The following ECT2 variants were observed in gnomAD, a reference collection of about 807,000 sequenced individuals.
The protein encoded by ECT2 is protein ECT2.
ECT2 carries 61 observed loss-of-function variants against 116.9 expected under a neutral mutation model. The ratio of observed to expected loss-of-function variants is 0.52; its 90% confidence interval spans 0.42 to 0.65. The LOEUF is 0.65. Among genes scored for constraint, ECT2 ranks in the 30% least tolerant of loss-of-function variants. ECT2 has a pLI of 0.00. For missense variants in ECT2, 937 were observed against 1,078.7 expected, an observed-to-expected ratio of 0.87 and a Z score of 1.84; for synonymous variants, 358 against 346.4, an observed-to-expected ratio of 1.03 and a Z score of -0.37.
At chr3:172,814,527 A>C (rs903727160) in intron 22 of ECT2, among the ~76,000 whole-genome samples, 2 of 152,178 alleles carry the variant, frequency 1.3e-5, no homozygotes, top group Admixed American at 1.3e-4. Context: ...ATAGGACTAT[A>C]CAAAATCATT....
intron 17 of ECT2, among the ~76,000 whole-genome samples, chr3:172,785,308 T>C (rs754582179): frequency 7.2e-5 from 11 of 152,194 alleles, no homozygotes; most frequent in Non-Finnish European, 8.8e-5. Flanking sequence ...ATAATTTTTA[T>C]GAATAAATTT....
chr3:172,756,902 T>C, intron 4 of ECT2, 81 bp from the exon 5 acceptor site: 1 of 1,194,942 alleles, frequency 8.4e-7, no homozygotes, highest in South Asian at 1.5e-5. Flanking sequence ...ATTGAATTGA[T>C]TGTTAAGCCT....
intron 13 of ECT2, among the ~76,000 whole-genome samples, chr3:172,770,128 G>A (rs1342637275): frequency 6.6e-6 from 1 of 151,972 alleles, no homozygotes; most frequent in Admixed American, 6.6e-5. Context: ...GAGGTTCTTT[G>A]CTGTATTAGC....
intron 23 of ECT2, among the ~76,000 whole-genome samples, chr3:172,815,997 T>C (rs1729639064): frequency 6.6e-6 from 1 of 152,278 alleles, no homozygotes; most frequent in African/African-American, 2.4e-5. Flanking sequence ...TGTGCACTCA[T>C]CTTAAATATA....
intron 15 of ECT2, among the ~76,000 whole-genome samples, chr3:172,782,484 C>G (rs992077595): frequency 6.6e-6 from 1 of 152,102 alleles, no homozygotes; most frequent in Non-Finnish European, 1.5e-5. Flanking sequence ...TAGTATGTAT[C>G]AAGTTATTTG....
At chr3:172,755,894 T>G (rs1003494177) in intron 4 of ECT2, among the ~76,000 whole-genome samples, 1 of 152,220 alleles carries the variant, frequency 6.6e-6, no homozygotes, top group African/African-American at 2.4e-5. Flanking sequence ...AAATACCACA[T>G]AGTTAATTGC....
At chr3:172,813,925 A>G (rs1729233453) in intron 22 of ECT2, among the ~76,000 whole-genome samples, 1 of 152,174 alleles carries the variant, frequency 6.6e-6, no homozygotes, top group African/African-American at 2.4e-5. Flanking sequence ...ATACGTGTAG[A>G]AATATATCTC....
intron 14 of ECT2, among the ~76,000 whole-genome samples, chr3:172,774,422 C>T (rs1434777921): frequency 1.3e-5 from 2 of 152,084 alleles, no homozygotes; most frequent in Non-Finnish European, 2.9e-5. Context: ...TGGTTTCGAA[C>T]TCCTGACCTC....
chr3:172,806,530 C>T (rs1727740535), intron 21 of ECT2, among the ~76,000 whole-genome samples: 2 of 148,362 alleles, frequency 1.3e-5, no homozygotes, highest in African/African-American at 5.0e-5. Flanking sequence ...TATGTTTTTA[C>T]AATATTTAGC....
At chr3:172,795,203 C>T (rs2108884528) in intron 18 of ECT2, among the ~76,000 whole-genome samples, 1 of 151,622 alleles carries the variant, frequency 6.6e-6, no homozygotes, top group Middle Eastern at 3.4e-3. Flanking sequence ...TGGTGTGCGC[C>T]TGTAGTTCCA....
At chr3:172,810,282 T>A (rs1324412647) in intron 22 of ECT2, among the ~76,000 whole-genome samples, 2 of 152,186 alleles carry the variant, frequency 1.3e-5, no homozygotes, top group Non-Finnish European at 2.9e-5. Flanking sequence ...ATATTTCTTT[T>A]GAAATTTTTC....
intron 24 of ECT2, 95 bp downstream of exon 24, chr3:172,816,932 T>A (rs1420004187): frequency 2.8e-6 from 3 of 1,068,720 alleles, no homozygotes; most frequent in Non-Finnish European, 2.6e-6. Context: ...TCTTCCATTT[T>A]AAAAAAATTT....
intron 1 of ECT2, among the ~76,000 whole-genome samples, chr3:172,753,864 AGTACTCATGGAAGTT>A (rs1167361051): frequency 6.6e-6 from 1 of 152,162 alleles, no homozygotes; most frequent in Non-Finnish European, 1.5e-5. Flanking sequence ...ACATATAAGG[AGTACTCATGGAAGTT>A]GTTAAGCAGG....
chr3:172,825,833 G>A (rs948895512), downstream of ECT2, among the ~76,000 whole-genome samples: 1 of 152,248 alleles, frequency 6.6e-6, no homozygotes, highest in Non-Finnish European at 1.5e-5. Flanking sequence ...AGGTGGCTAT[G>A]CTTAATAACA....
At chr3:172,763,831 G>T (rs73880265) in intron 11 of ECT2, among the ~76,000 whole-genome samples, 15,122 of 152,212 alleles carry the variant, frequency 0.099, 1,421 homozygotes, top group African/African-American at 0.24. Context: ...TCTCTTCAGA[G>T]TCTTTGAAAT....
intron 18 of ECT2, among the ~76,000 whole-genome samples, chr3:172,789,220 GTTTTT>G (rs71162311): frequency 9.2e-6 from 1 of 108,908 alleles, no homozygotes; most frequent in Non-Finnish European, 2.0e-5. Context: ...CTCTTTTTTT[GTTTTT>G]TTTTTTTTTT....
At chr3:172,795,360 A>G (rs1725447220) in intron 18 of ECT2, among the ~76,000 whole-genome samples, 3 of 152,126 alleles carry the variant, frequency 2.0e-5, no homozygotes, top group Admixed American at 6.6e-5. Flanking sequence ...AAAATTGTCA[A>G]AATACATTTT....
chr3:172,827,413 C>T, the ECT2 span, among the ~76,000 whole-genome samples: 6 of 152,060 alleles, frequency 3.9e-5, no homozygotes, highest in African/African-American at 9.7e-5. Flanking sequence ...ATAAAGAAAA[C>T]GTGGTATATA....
intron 18 of ECT2, among the ~76,000 whole-genome samples, chr3:172,787,455 G>A (rs938695162): frequency 2.6e-5 from 4 of 152,152 alleles, no homozygotes; most frequent in Non-Finnish European, 5.9e-5. Context: ...GACTCCCTCA[G>A]ATACCAAAAT....
Sources: allele counts gnomAD v4.1 joint callset (sites outside exome capture counted in the v4.1 genomes callset), GRCh38; gene constraint gnomAD v4.1.1; transcripts MANE v1.5; gene names NCBI Gene and HGNC (gene_info 2026-07-23, HGNC 2026-07-21).